Variants in KCNT2 observed in about 807,000 individuals in gnomAD.
KCNT2 encodes the protein potassium channel subfamily T member 2.
KCNT2 carries 67 observed loss-of-function variants against 153.8 expected under a neutral mutation model. The ratio of observed to expected loss-of-function variants is 0.44; its 90% CI spans 0.36 to 0.53. The LOEUF is 0.53. KCNT2 is among the 20% of genes least tolerant of loss of function. The pLI is 0.00. For missense variants in KCNT2, 975 were observed against 1,354.8 expected, an observed-to-expected ratio of 0.72 and a Z score of 4.40; for synonymous variants, 500 against 458.8, an observed-to-expected ratio of 1.09 and a Z score of -1.15.
At position 196,340,048 on chromosome 1, in the gene KCNT2, T is replaced by C. The variant is rs13376337; in HGVS notation, c.1783+293A>G. On this transcript the variant is annotated intron_variant, in intron 16 of 27. Transcript: ENST00000294725. ...GAGGTTTTTTTGGACACAGAGTCTT[T>C]TTCTGTTGCCCAGGCTGTTCTCAAA... 6.1e-3 allele frequency among the ~76,000 whole-genome samples: 935 copies of C among 152,072 alleles called. 12 individuals are homozygous for C. The highest frequency in any genetic ancestry group is 0.021 in the African/African-American group (883 of 41,522).
chr1:196,305,581 C>CT (rs918749284), intron 21 of KCNT2, among the ~76,000 whole-genome samples: 25 of 152,084 alleles, frequency 1.6e-4, no homozygotes, highest in African/African-American at 5.5e-4. Context: ...AGTAATTTGG[C>CT]TTTTTTTAGA....
intron 22 of KCNT2, among the ~76,000 whole-genome samples, chr1:196,291,424 A>G (rs886547627): frequency 1.3e-5 from 2 of 152,044 alleles, no homozygotes; most frequent in Non-Finnish European, 1.5e-5. Context: ...CAAGCATCTG[A>G]TTCCATCCTG....
At chr1:196,508,509 G>T (rs1337268829) in intron 1 of KCNT2, among the ~76,000 whole-genome samples, 1 of 152,066 alleles carries the variant, frequency 6.6e-6, no homozygotes, top group Admixed American at 6.5e-5. Context: ...AAGTCTTAAA[G>T]AAAGTGAAAT....
At chr1:196,589,731 A>T (rs1663115927) in intron 1 of KCNT2, among the ~76,000 whole-genome samples, 1 of 152,132 alleles carries the variant, frequency 6.6e-6, no homozygotes, top group Admixed American at 6.6e-5. Flanking sequence ...AGGTGTTTTG[A>T]ATATACTGAA....
chr1:196,272,534 G>A (rs1437236727), intron 25 of KCNT2, among the ~76,000 whole-genome samples: 4 of 151,764 alleles, frequency 2.6e-5, no homozygotes, highest in African/African-American at 4.8e-5. Flanking sequence ...AGATGGAGAG[G>A]ATCTTCCAGA....
At chr1:196,542,119 T>G (rs967313264) in intron 1 of KCNT2, among the ~76,000 whole-genome samples, 1 of 152,066 alleles carries the variant, frequency 6.6e-6, no homozygotes, top group African/African-American at 2.4e-5. Context: ...ATAACAATAT[T>G]TATCATTTAA....
At chr1:196,492,530 T>C (rs983128540) in intron 1 of KCNT2, among the ~76,000 whole-genome samples, 189 bp from the exon 2 acceptor site, 1 of 152,114 alleles carries the variant, frequency 6.6e-6, no homozygotes, top group Non-Finnish European at 1.5e-5. Context: ...GAGAACTGAG[T>C]AAAGTACTGA....
chr1:196,456,773 T>C (rs751520328), intron 8 of KCNT2, among the ~76,000 whole-genome samples: 4 of 151,978 alleles, frequency 2.6e-5, no homozygotes, highest in Admixed American at 6.6e-5. Flanking sequence ...AGCATAATTA[T>C]AATCTGATCT....
chr1:196,513,980 A>G (rs1681848533), intron 1 of KCNT2, among the ~76,000 whole-genome samples: 1 of 152,214 alleles, frequency 6.6e-6, no homozygotes, highest in Non-Finnish European at 1.5e-5. Flanking sequence ...AATGAACACA[A>G]ATAGACTGAA....
intron 9 of KCNT2, among the ~76,000 whole-genome samples, 180 bp from the exon 10 acceptor site, chr1:196,428,449 T>A (rs1472460279): frequency 6.6e-6 from 1 of 152,060 alleles, no homozygotes; most frequent in Non-Finnish European, 1.5e-5. Flanking sequence ...AGGCTGCAAA[T>A]GTCTCCCAGG....
chr1:196,606,261 G>A (rs1290193846), intron 1 of KCNT2, among the ~76,000 whole-genome samples: 1 of 152,162 alleles, frequency 6.6e-6, no homozygotes, highest in African/African-American at 2.4e-5. Flanking sequence ...AGGCCACTCA[G>A]CTAGTGAAGG....
intron 8 of KCNT2, among the ~76,000 whole-genome samples, chr1:196,463,885 A>G (rs1359710928): frequency 6.6e-6 from 1 of 151,814 alleles, no homozygotes; most frequent in African/African-American, 2.4e-5. Flanking sequence ...TGCCTCCAGA[A>G]CAAAAGTACT....
intron 25 of KCNT2, among the ~76,000 whole-genome samples, chr1:196,270,954 C>T (rs139757154): frequency 6.6e-6 from 1 of 151,870 alleles, no homozygotes; most frequent in African/African-American, 2.4e-5. Context: ...AACTGTGAAG[C>T]TTTCAAAAGC....
chr1:196,334,893 C>T (rs2148123374), intron 16 of KCNT2, among the ~76,000 whole-genome samples: 1 of 151,980 alleles, frequency 6.6e-6, no homozygotes, highest in East Asian at 1.9e-4. Flanking sequence ...CGATTTTTGA[C>T]CTGAAATACA....
At chr1:196,486,926 T>C (rs1679466556) in intron 3 of KCNT2, among the ~76,000 whole-genome samples, 1 of 151,932 alleles carries the variant, frequency 6.6e-6, no homozygotes, top group Admixed American at 6.6e-5. Context: ...GCCAATATGT[T>C]AGAAAGACTT....
intron 1 of KCNT2, among the ~76,000 whole-genome samples, chr1:196,563,069 C>T (rs963948211): frequency 6.6e-6 from 1 of 151,918 alleles, no homozygotes; most frequent in African/African-American, 2.4e-5. Context: ...AATTACTCTA[C>T]GCCTTCAACC....
Position 196,391,639 on chromosome 1 carries a change from G to A in KCNT2, c.1294+6924C>T, listed in dbSNP as rs142547952. Among the ~76,000 whole-genome samples, 720 of 151,364 alleles carry A rather than the reference G, an allele frequency of 4.8e-3. 4 individuals carry two copies. Among genetic ancestry groups the A allele is most frequent in the African/African-American group, 0.016 (654 of 41,402 alleles). On this transcript the variant is annotated intron_variant, in intron 13 of 27. Transcript: ENST00000294725. ...ATATCCAGTGTCAATTTAATCAAAT[G>A]TCAAGGAAAATAAACAGGAAAGATG...
intron 5 of KCNT2, among the ~76,000 whole-genome samples, chr1:196,470,949 G>A (rs1377305151): frequency 7.0e-6 from 1 of 142,540 alleles, no homozygotes; most frequent in Admixed American, 7.5e-5. Context: ...GCACAATCTC[G>A]GCTCACTGCA....
At chr1:196,563,065 T>C (rs1659632290) in intron 1 of KCNT2, among the ~76,000 whole-genome samples, 1 of 151,982 alleles carries the variant, frequency 6.6e-6, no homozygotes, top group African/African-American at 2.4e-5. Flanking sequence ...TAGTAATTAC[T>C]CTACGCCTTC....
Sources: gnomAD v4.1 joint callset for allele counts (sites outside exome capture counted in the v4.1 genomes callset) on GRCh38, gnomAD v4.1.1 for gene constraint, MANE v1.5 for transcripts, NCBI Gene and HGNC (gene_info 2026-07-23, HGNC 2026-07-21) for gene names.